Variants in UBN2 observed in about 807,000 individuals in gnomAD.
UBN2 encodes the protein ubinuclein-2.
UBN2 carries 35 observed loss-of-function variants against 120.2 expected under a neutral mutation model. That is an observed-to-expected ratio of 0.29 (90% CI 0.22 to 0.39). The LOEUF (loss-of-function observed/expected upper bound fraction) is 0.39. Ranked by LOEUF, UBN2 falls within the 10% of genes least tolerant of loss-of-function variation. UBN2 has a pLI of 1.00. For synonymous variants in UBN2, 661 were observed against 648.7 expected, an observed-to-expected ratio of 1.02 and a Z score of -0.29; for missense variants, 1,693 against 1,663.2, an observed-to-expected ratio of 1.02 and a Z score of -0.31.
chr7:139,276,433 C>G, intron 12 of UBN2: 1 of 413,814 alleles, frequency 2.4e-6, no homozygotes, highest in Non-Finnish European at 4.4e-6. Context: ...ACCTGCCAGT[C>G]TTTTTCTCCA....
chr7:139,298,995 A>G lies in UBN2; in HGVS notation c.*1159A>G, dbSNP rs1346329047. On this transcript the variant is annotated 3_prime_UTR_variant, in exon 18 of 18. Transcript: ENST00000473989. The stretch of plus-strand genomic sequence containing the variant: ...CGACATATTTTTACTCCCTGTATCC[A>G]GTGTAGTGAAATTGTTTGGAGCATT... 2.0e-5 allele frequency: 3 copies of G among 152,204 alleles called. No individual in the cohort carries two copies. Among genetic ancestry groups the G allele is most frequent in the East Asian group, 3.8e-4 (2 of 5,206 alleles). The allele number at this position is 152,204 out of a possible 1,614,324, so 9.4% of individuals were successfully genotyped here.
chr7:139,245,877 T>G (rs1288806076), intron 2 of UBN2, among the ~76,000 whole-genome samples: 1 of 152,122 alleles, frequency 6.6e-6, no homozygotes, highest in East Asian at 1.9e-4. Context: ...TTTGAATGGA[T>G]GAAGTGTTCA....
At chr7:139,293,846 A>T in intron 16 of UBN2, 43 bp from the exon 17 acceptor site, 2 of 1,588,714 alleles carry the variant, frequency 1.3e-6, no homozygotes, top group Non-Finnish European at 1.7e-6. Context: ...AAAGGGCTCA[A>T]ATCTGGATTT....
chr7:139,235,006 ATTC>A (rs1334895758), intron 1 of UBN2, among the ~76,000 whole-genome samples: 1 of 152,140 alleles, frequency 6.6e-6, no homozygotes, highest in Non-Finnish European at 1.5e-5. Context: ...GAGGGTGTTT[ATTC>A]TTAACTGTGA....
chr7:139,238,296 TAAG>T (rs1221183929), intron 2 of UBN2, among the ~76,000 whole-genome samples: 2 of 152,200 alleles, frequency 1.3e-5, no homozygotes, highest in African/African-American at 2.4e-5. Context: ...TTGTGGTAAT[TAAG>T]AAACCATTTG....
At position 139,254,563 on chromosome 7, in the gene UBN2, G is replaced by A. The variant is rs548669823; in HGVS notation, c.663+2506G>A. Among the ~76,000 whole-genome samples the A allele has an allele frequency of 2.6e-5, 4 of 152,176 alleles. No homozygotes were observed. In the South Asian group the frequency reaches 6.2e-4, roughly 24 times the overall value. On this transcript the variant is annotated intron_variant, in intron 3 of 17. Coordinates refer to ENST00000473989, the MANE Select transcript of UBN2 (RefSeq NM_173569.4). Reference sequence around the variant, plus strand: ...AGGAGCAAGTCTTTTAGCACCACCCGGTTTTCTCTGCTATGACTTGCTTAC... The same window carrying A: ...AGGAGCAAGTCTTTTAGCACCACCCAGTTTTCTCTGCTATGACTTGCTTAC...
chr7:139,282,000 C>G lies in UBN2; in HGVS notation c.2068-5C>G. On this transcript the variant is annotated splice_region_variant and splice_polypyrimidine_tract_variant and intron_variant, in intron 13 of 17. Coordinates refer to ENST00000473989, the MANE Select transcript of UBN2 (RefSeq NM_173569.4). ...TCTTAACAGCTTGCTTATGTAATAC[C>G]TTAGGAGGTGATGGTAAAGACCCTT... 1.2e-6 allele frequency: 2 copies of G among 1,612,994 alleles called. No individual in the cohort carries two copies. The highest frequency in any genetic ancestry group is 1.7e-6 in the Non-Finnish European group (2 of 1,179,280).
intron 7 of UBN2, among the ~76,000 whole-genome samples, chr7:139,269,191 A>G (rs1042522012): frequency 2.6e-5 from 4 of 152,336 alleles, no homozygotes; most frequent in Middle Eastern, 3.4e-3. Context: ...CCTGGGCTAC[A>G]AGAACAAAAC....
intron 8 of UBN2, among the ~76,000 whole-genome samples, chr7:139,270,814 G>A (rs1455717195): frequency 2.6e-5 from 4 of 151,516 alleles, no homozygotes; most frequent in African/African-American, 2.4e-5. Flanking sequence ...GCACGATCTC[G>A]GCTCACCACA....
In UBN2 at chr7:139,269,438, G is replaced by C. The variant is rs1226237486; in HGVS notation, c.1511G>C (p.Gly504Ala). 1 of 1,614,124 alleles carries C rather than the reference G, an allele frequency of 6.2e-7. No homozygotes were observed. Among genetic ancestry groups the C allele is most frequent in the East Asian group, 2.2e-5 (1 of 44,882 alleles). Reference sequence around the variant, plus strand: ...GAACTAGGCCCTGTCATTCGCAGTGGTGTCTACTCCCACCTTGAAGCTTTT... The same window carrying C: ...GAACTAGGCCCTGTCATTCGCAGTGCTGTCTACTCCCACCTTGAAGCTTTT... Reference protein sequence around the residue: ...LQELGPVIRSGVYSHLEAFVP... With the variant: ...LQELGPVIRSAVYSHLEAFVP... Residue 504 changes from glycine (G) to alanine (A), a missense_variant, in exon 8 of 18, where the codon GGT becomes GCT. Gly to Ala is a moderately conservative substitution (Grantham distance 60, BLOSUM62 0). Around this residue, in one of 5 missense-constraint regions of UBN2, gnomAD observed 178 missense variants for 204.0 expected, o/e 0.87. Transcript: ENST00000473989.
intron 2 of UBN2, among the ~76,000 whole-genome samples, chr7:139,249,311 GT>G (rs886700504): frequency 6.6e-6 from 1 of 152,084 alleles, no homozygotes; most frequent in African/African-American, 2.4e-5. Context: ...TAGGAGTTAG[GT>G]TTTTTTAGCA....
At chr7:139,254,468 C>T (rs974536152) in intron 3 of UBN2, among the ~76,000 whole-genome samples, 1 of 152,150 alleles carries the variant, frequency 6.6e-6, no homozygotes, top group African/African-American at 2.4e-5. Flanking sequence ...GGAGTCTTGA[C>T]CTCGATTTGT....
chr7:139,255,383 TTTA>T (rs1170629188), intron 3 of UBN2, among the ~76,000 whole-genome samples: 1 of 152,112 alleles, frequency 6.6e-6, no homozygotes, highest in Admixed American at 6.5e-5. Context: ...CTATACAGTT[TTTA>T]TTGTGTGTGT....
chr7:139,264,241 T>C (rs1040774343), intron 6 of UBN2, among the ~76,000 whole-genome samples: 1 of 152,230 alleles, frequency 6.6e-6, no homozygotes, highest in Non-Finnish European at 1.5e-5. Context: ...GTTTGGCTTT[T>C]TAACTTCCTC....
chr7:139,293,859 A>G (rs1379822443), intron 16 of UBN2, 30 bp from the exon 17 acceptor site: 2 of 1,603,566 alleles, frequency 1.2e-6, no homozygotes, highest in Non-Finnish European at 1.7e-6. Context: ...CTGGATTTAA[A>G]GATGACTGAC....
chr7:139,311,831 G>A (rs2131103660), downstream of UBN2, among the ~76,000 whole-genome samples: 1 of 152,294 alleles, frequency 6.6e-6, no homozygotes, highest in East Asian at 1.9e-4. Context: ...AAAGTCAAGG[G>A]AATCTGGTTC....
intron 2 of UBN2, among the ~76,000 whole-genome samples, chr7:139,249,155 C>G (rs1170707765): frequency 1.3e-5 from 2 of 152,060 alleles, no homozygotes; most frequent in Non-Finnish European, 2.9e-5. Context: ...TAGAATTGTA[C>G]TTGAAACTTT....
intron 1 of UBN2, among the ~76,000 whole-genome samples, chr7:139,236,766 T>G (rs945245664): frequency 6.6e-6 from 1 of 151,880 alleles, no homozygotes; most frequent in East Asian, 1.9e-4. Flanking sequence ...ACTTCTGACT[T>G]ACTTGTTAGT....
At chr7:139,311,507 A>G (rs955616068), downstream of UBN2, among the ~76,000 whole-genome samples, 5 of 152,202 alleles carry the variant, frequency 3.3e-5, no homozygotes, top group Middle Eastern at 3.2e-3. Flanking sequence ...TTTCAAGCCC[A>G]TTTCCTCATC....
Sources: allele counts gnomAD v4.1 joint callset (sites outside exome capture counted in the v4.1 genomes callset), GRCh38; gene constraint gnomAD v4.1.1; regional missense constraint gnomAD v4.1.1; transcripts MANE v1.5; gene names NCBI Gene and HGNC (gene_info 2026-07-23, HGNC 2026-07-21).